The following PHLDB2 variants were observed in gnomAD, a reference collection of about 807,000 sequenced individuals.
PHLDB2 encodes the protein pleckstrin homology like domain family B member 2.
A neutral mutation model predicts 123.6 loss-of-function variants in PHLDB2; 71 were observed. That is an observed-to-expected ratio of 0.57 (90% CI 0.47 to 0.70). The LOEUF (loss-of-function observed/expected upper bound fraction) is 0.70, where lower values mean the gene tolerates loss of function less well. Ranked by LOEUF, PHLDB2 falls within the 30% of genes least tolerant of loss-of-function variation. The probability of loss-of-function intolerance (pLI) is 0.00; values close to 1 mark genes in which losing one functional copy is unlikely to be tolerated. For missense variants in PHLDB2, 1,446 were observed against 1,519.5 expected (o/e 0.95, Z 0.80); for synonymous variants, 547 against 541.6 (o/e 1.01, Z -0.14).
At chr3:111,974,027 A>G (rs2072394889) in intron 17 of PHLDB2, among the ~76,000 whole-genome samples, 1 of 152,208 alleles carries the variant, frequency 6.6e-6, no homozygotes, top group African/African-American at 2.4e-5. Flanking sequence ...AATATTCTGG[A>G]CATAATGGTT....
At chr3:111,900,928 GTC>G (rs2107444244) in intron 2 of PHLDB2, among the ~76,000 whole-genome samples, 1 of 152,068 alleles carries the variant, frequency 6.6e-6, no homozygotes, top group Admixed American at 6.5e-5. Context: ...TAGAAATGGG[GTC>G]TCTCTATGTT....
chr3:111,826,602 G>A (rs868348054), intron 1 of PHLDB2, among the ~76,000 whole-genome samples: 14 of 152,212 alleles, frequency 9.2e-5, no homozygotes, highest in African/African-American at 3.1e-4. Flanking sequence ...TATCAGGTAA[G>A]TAGAGTTCTG....
intron 1 of PHLDB2, among the ~76,000 whole-genome samples, chr3:111,829,840 G>A (rs1287372129): frequency 1.3e-5 from 2 of 151,230 alleles, no homozygotes; most frequent in Admixed American, 6.6e-5. Flanking sequence ...TTTTTCACTA[G>A]ATCCTAAACT....
intron 1 of PHLDB2, among the ~76,000 whole-genome samples, chr3:111,783,342 CA>C (rs1352606542): frequency 6.6e-6 from 1 of 151,966 alleles, no homozygotes; most frequent in Admixed American, 6.6e-5. Context: ...CTAAAATATC[CA>C]CTTTGTTTTA....
upstream of PHLDB2, among the ~76,000 whole-genome samples, chr3:111,855,053 CGGGTT>C (rs2064420392): frequency 6.6e-6 from 1 of 151,834 alleles, no homozygotes; most frequent in African/African-American, 2.4e-5. Flanking sequence ...TCCCAGAACT[CGGGTT>C]AATCAGAAGT....
At chr3:111,953,413 A>C (rs1177286358) in intron 11 of PHLDB2, among the ~76,000 whole-genome samples, 1 of 152,188 alleles carries the variant, frequency 6.6e-6, no homozygotes, top group Admixed American at 6.5e-5. Context: ...AATCTGTTTT[A>C]TAAATTTGTG....
intron 2 of PHLDB2, among the ~76,000 whole-genome samples, chr3:111,912,426 T>C (rs938941982): frequency 6.6e-6 from 1 of 152,240 alleles, no homozygotes; most frequent in Non-Finnish European, 1.5e-5. Context: ...TTTAATGACC[T>C]ATGAATTTGA....
intron 1 of PHLDB2, among the ~76,000 whole-genome samples, chr3:111,829,161 A>G (rs766265755): frequency 1.3e-5 from 2 of 152,212 alleles, no homozygotes; most frequent in African/African-American, 2.4e-5. Flanking sequence ...CTAAAAAGTC[A>G]TGGAAACCTC....
chr3:111,786,477 A>AT (rs2060685230), intron 1 of PHLDB2, among the ~76,000 whole-genome samples: 1 of 152,202 alleles, frequency 6.6e-6, no homozygotes, highest in Non-Finnish European at 1.5e-5. Flanking sequence ...TGTTAAACTG[A>AT]TGACCTCTAA....
At chr3:111,882,660 G>GT (rs1391682329) in intron 1 of PHLDB2, among the ~76,000 whole-genome samples, 1 of 152,210 alleles carries the variant, frequency 6.6e-6, no homozygotes, top group Non-Finnish European at 1.5e-5. Flanking sequence ...TTTATGGACA[G>GT]TTGGGTACCT....
chr3:111,889,588 G>C (rs1289998289), intron 2 of PHLDB2, among the ~76,000 whole-genome samples: 2 of 152,108 alleles, frequency 1.3e-5, no homozygotes, highest in Admixed American at 6.5e-5. Context: ...TGTAGTCCCA[G>C]CTACTTGGGA....
intron 12 of PHLDB2, among the ~76,000 whole-genome samples, chr3:111,954,852 C>A (rs1559920926): frequency 6.6e-6 from 1 of 152,010 alleles, no homozygotes; most frequent in Non-Finnish European, 1.5e-5. Flanking sequence ...GAAATAATGG[C>A]GGTATGCCCA....
intron 6 of PHLDB2, among the ~76,000 whole-genome samples, chr3:111,934,757 G>A (rs781751973): frequency 3.3e-5 from 5 of 152,134 alleles, no homozygotes; most frequent in African/African-American, 7.2e-5. Context: ...AAAGAAAACT[G>A]ATGTTAAATG....
chr3:111,732,777 G>C, intron 1 of PHLDB2: 2 of 1,288,072 alleles, frequency 1.6e-6, no homozygotes, highest in East Asian at 5.2e-5. Context: ...CTCGTCACCA[G>C]AGTGTTTCTG....
intron 1 of PHLDB2, among the ~76,000 whole-genome samples, chr3:111,804,710 T>A (rs2061505106): frequency 6.6e-6 from 1 of 152,208 alleles, no homozygotes; most frequent in Non-Finnish European, 1.5e-5. Flanking sequence ...TACTTACCAT[T>A]GAAATTTTGG....
chr3:111,958,263 G>A, intron 12 of PHLDB2: 1 of 988,002 alleles, frequency 1.0e-6, no homozygotes, highest in Middle Eastern at 5.2e-4. Flanking sequence ...TCTGGCTGTG[G>A]ACTGTCATTA....
intron 16 of PHLDB2, among the ~76,000 whole-genome samples, chr3:111,973,497 C>T (rs2072349791): frequency 6.6e-6 from 1 of 152,104 alleles, no homozygotes. Context: ...TGCTGGAGAG[C>T]CTTAGGCAAA....
At chr3:111,828,560 G>A (rs1375080001) in intron 1 of PHLDB2, among the ~76,000 whole-genome samples, 2 of 152,196 alleles carry the variant, frequency 1.3e-5, no homozygotes, top group Non-Finnish European at 2.9e-5. Context: ...GGAGGTTGAG[G>A]CTGGCGGATC....
At chr3:111,888,858 A>G (rs1401393672) in intron 2 of PHLDB2, among the ~76,000 whole-genome samples, 3 of 152,226 alleles carry the variant, frequency 2.0e-5, no homozygotes, top group African/African-American at 4.8e-5. Flanking sequence ...TGCAAGCATT[A>G]TAAACCAAGT....
Sources: allele counts gnomAD v4.1 joint callset (sites outside exome capture counted in the v4.1 genomes callset), GRCh38; gene constraint gnomAD v4.1.1; transcripts MANE v1.5; gene names NCBI Gene and HGNC (gene_info 2026-07-23, HGNC 2026-07-21).